The following LOXHD1 variants were observed in gnomAD, a reference collection of about 807,000 sequenced individuals.
The protein encoded by LOXHD1 is lipoxygenase homology domain-containing protein 1.
In LOXHD1, 205 loss-of-function variants were observed where a neutral mutation model predicts 248.2. That is an observed-to-expected ratio of 0.83 (90% CI 0.74 to 0.93). LOXHD1 has a LOEUF of 0.93. Ranked by LOEUF, LOXHD1 falls within the 40% of genes least tolerant of loss-of-function variation. The pLI, the probability that LOXHD1 is intolerant of heterozygous loss-of-function variation, is 0.00. For synonymous variants in LOXHD1, 1,113 were observed against 1,162.8 expected (o/e 0.96, Z 0.87); for missense variants, 2,930 against 2,971.6 (o/e 0.99, Z 0.33).
At chr18:46,629,399 G>C (rs964470242) in intron 4 of LOXHD1, among the ~76,000 whole-genome samples, 1 of 152,188 alleles carries the variant, frequency 6.6e-6, no homozygotes, top group Non-Finnish European at 1.5e-5. Context: ...CCTTTGCGAT[G>C]GGTGTTTTAT....
intron 24 of LOXHD1, among the ~76,000 whole-genome samples, chr18:46,542,216 G>A (rs568177764): frequency 1.3e-5 from 2 of 152,306 alleles, no homozygotes; most frequent in South Asian, 4.1e-4. Context: ...GCTGAGGTGG[G>A]AGGGCACTGA....
At chr18:46,628,465 TCA>T (rs1269704654) in intron 4 of LOXHD1, among the ~76,000 whole-genome samples, 1 of 152,096 alleles carries the variant, frequency 6.6e-6, no homozygotes, top group Non-Finnish European at 1.5e-5. Context: ...GCAAATAGGC[TCA>T]GAGAGCCCTG....
intron 29 of LOXHD1, among the ~76,000 whole-genome samples, chr18:46,526,369 CAG>C (rs952962196): frequency 6.6e-6 from 1 of 152,172 alleles, no homozygotes; most frequent in Admixed American, 6.5e-5. Context: ...AATACCCTGG[CAG>C]AGAGAGATTT....
chr18:46,579,905 T>A (rs1378693442), intron 12 of LOXHD1, 121 bp from the exon 13 acceptor site: 1 of 1,161,408 alleles, frequency 8.6e-7, no homozygotes, highest in East Asian at 2.6e-5. Context: ...TGGGCTGACC[T>A]TCCCCCTTCC....
chr18:46,529,058 G>A, intron 29 of LOXHD1, 119 bp downstream of exon 29: 1 of 1,245,548 alleles, frequency 8.0e-7, no homozygotes, highest in Non-Finnish European at 1.1e-6. Flanking sequence ...AGGCCCAAAT[G>A]AGTGTGCACA....
intron 4 of LOXHD1, among the ~76,000 whole-genome samples, chr18:46,636,871 T>G (rs1037623027): frequency 1.3e-5 from 2 of 152,190 alleles, no homozygotes; most frequent in African/African-American, 4.8e-5. Flanking sequence ...GAAGCCTGGG[T>G]GAAGTGGCTC....
At chr18:46,578,752 C>T (rs910551905) in intron 13 of LOXHD1, among the ~76,000 whole-genome samples, 14 of 152,248 alleles carry the variant, frequency 9.2e-5, no homozygotes, top group East Asian at 3.8e-4. Context: ...ACTGCAACAA[C>T]GACTCTGTAC....
At chr18:46,612,154 G>A (rs2038517324) in intron 5 of LOXHD1, among the ~76,000 whole-genome samples, 1 of 152,072 alleles carries the variant, frequency 6.6e-6, no homozygotes, top group Non-Finnish European at 1.5e-5. Context: ...GGACATTTAG[G>A]TTGCTTCTAT....
At chr18:46,553,285 C>A (rs191474042) in intron 21 of LOXHD1, among the ~76,000 whole-genome samples, 1 of 152,338 alleles carries the variant, frequency 6.6e-6, no homozygotes, top group East Asian at 1.9e-4. Flanking sequence ...AACACATTTT[C>A]TCATCTAGTC....
intron 4 of LOXHD1, among the ~76,000 whole-genome samples, chr18:46,634,166 G>A (rs2038862657): frequency 6.6e-6 from 1 of 152,178 alleles, no homozygotes; most frequent in Non-Finnish European, 1.5e-5. Flanking sequence ...TAGCTAAAAG[G>A]TGGAAATAGT....
intron 37 of LOXHD1, among the ~76,000 whole-genome samples, chr18:46,489,693 C>T (rs915774322): frequency 3.9e-5 from 6 of 152,304 alleles, no homozygotes; most frequent in Admixed American, 3.9e-4. Context: ...CTCCTATAGC[C>T]CCCTGCATCT....
intron 23 of LOXHD1, among the ~76,000 whole-genome samples, chr18:46,543,302 G>C (rs975483905): frequency 1.3e-5 from 2 of 152,126 alleles, no homozygotes; most frequent in Non-Finnish European, 2.9e-5. Context: ...ACTTCACTTA[G>C]AATAATGGGC....
At chr18:46,547,418 T>C (rs2036896835) in intron 21 of LOXHD1, among the ~76,000 whole-genome samples, 1 of 152,164 alleles carries the variant, frequency 6.6e-6, no homozygotes, top group Non-Finnish European at 1.5e-5. Context: ...CAGGGCTACT[T>C]TAGTAGAGAG....
At position 46,518,264 on chromosome 18, in the gene LOXHD1, G is replaced by T; in HGVS notation, c.5272-8C>A. Reference sequence around the variant, plus strand: ...CGTCATTTCATAGAGAACCTGCCATGAGAGGAATGCAGGTGCTGAGTCTCA... The same window carrying T: ...CGTCATTTCATAGAGAACCTGCCATTAGAGGAATGCAGGTGCTGAGTCTCA... On this transcript the variant is annotated splice_polypyrimidine_tract_variant and splice_region_variant and intron_variant, in intron 33 of 40. Coordinates refer to ENST00000642948, the MANE Select transcript of LOXHD1 (RefSeq NM_001384474.1). 6.4e-7 allele frequency: 1 copy of T among 1,550,882 alleles called. No homozygotes were observed. The highest frequency in any genetic ancestry group is 8.7e-7 in the Non-Finnish European group (1 of 1,146,306).
Position 46,589,428 on chromosome 18 carries a change from C to A in LOXHD1, c.1654+2505G>T, listed in dbSNP as rs528241008. On this transcript the variant is annotated intron_variant, in intron 12 of 40. Transcript: ENST00000642948. ...AGATTCTTTTGTTTTCATTTCTTGT[C>A]CGTCCCCCTTCGTTCAGTCCTGTAG... Among the ~76,000 whole-genome samples, 5 of 152,318 alleles carry A rather than the reference C, an allele frequency of 3.3e-5. No homozygotes were observed. In the East Asian group the frequency reaches 9.7e-4, roughly 29 times the overall value.
At chr18:46,538,688 C>G (rs2036427396) in intron 25 of LOXHD1, among the ~76,000 whole-genome samples, 1 of 152,184 alleles carries the variant, frequency 6.6e-6, no homozygotes, top group Non-Finnish European at 1.5e-5. Context: ...GTAATCTGGG[C>G]AAGTTAATTC....
chr18:46,649,931 C>T (rs1216161763), intron 1 of LOXHD1, among the ~76,000 whole-genome samples: 1 of 152,116 alleles, frequency 6.6e-6, no homozygotes. Context: ...ACAGCAGAAT[C>T]TACTCTAGCC....
chr18:46,523,424 C>T (rs1408671840), intron 31 of LOXHD1, among the ~76,000 whole-genome samples: 5 of 152,142 alleles, frequency 3.3e-5, no homozygotes, highest in Non-Finnish European at 5.9e-5. Context: ...GTTAAAGGAA[C>T]CTAGGTCCTT....
At chr18:46,634,127 G>A (rs1026546303) in intron 4 of LOXHD1, among the ~76,000 whole-genome samples, 21 of 152,252 alleles carry the variant, frequency 1.4e-4, no homozygotes, top group South Asian at 2.1e-4. Context: ...ATATTTGTAC[G>A]CCCATGTTCA....
Sources: allele counts gnomAD v4.1 joint callset (sites outside exome capture counted in the v4.1 genomes callset), GRCh38; gene constraint gnomAD v4.1.1; transcripts MANE v1.5; gene names NCBI Gene and HGNC (gene_info 2026-07-23, HGNC 2026-07-21).